Variants in CDC14B observed in about 807,000 individuals in gnomAD.
CDC14B encodes cell division cycle 14B.
Under a neutral mutation model 64.2 loss-of-function variants are expected in CDC14B, and 22 were observed. That is an observed-to-expected ratio of 0.34 (90% confidence interval 0.24 to 0.49). The LOEUF is 0.49. Among genes scored for constraint, CDC14B ranks in the 20% least tolerant of loss-of-function variants. The pLI, the probability that CDC14B is intolerant of heterozygous loss-of-function variation, is 0.99. For missense variants in CDC14B, 498 were observed against 629.9 expected, an observed-to-expected ratio of 0.79 and a Z score of 2.24; for synonymous variants, 191 against 215.8, an observed-to-expected ratio of 0.89 and a Z score of 1.01.
chr9:96,619,250 G>A lies in CDC14B; in HGVS notation c.129C>T (p.Asp43=), dbSNP rs1369638704. Reference sequence around the variant, plus strand: ...TGTCCAGGTACACGTCGTCCTGGGGGTCCCGGCGGCGCGGGTCTTGCTGCG... The same window carrying A: ...TGTCCAGGTACACGTCGTCCTGGGGATCCCGGCGGCGCGGGTCTTGCTGCG... ...SSTQQDPRRR[D]PQDDVYLDIT... The change falls in exon 1 of 14, where the codon GAC becomes GAT. Residue 43 remains aspartate (D), a synonymous_variant. Transcript: ENST00000375241. The A allele has an allele frequency of 4.4e-6, 6 of 1,358,214 alleles. No homozygotes were observed. In the African/African-American group the frequency reaches 4.5e-5, roughly 10 times the overall value. 84.1% of individuals were successfully genotyped at this position (1,358,214 alleles called of 1,614,324 possible).
chr9:96,506,917 C>T (rs1422462509), intron 13 of CDC14B, among the ~76,000 whole-genome samples: 1 of 152,240 alleles, frequency 6.6e-6, no homozygotes, highest in African/African-American at 2.4e-5. Context: ...GGCTCCCGGA[C>T]TCTACTCTTC....
chr9:96,579,782 C>T (rs1250837722), intron 1 of CDC14B, among the ~76,000 whole-genome samples: 2 of 152,166 alleles, frequency 1.3e-5, no homozygotes, highest in Admixed American at 6.6e-5. Flanking sequence ...CTGTTGTCTA[C>T]ACCACGCAGA....
At chr9:96,551,111 C>CTGTTTTTTTTTTTTTTTT (rs1841745578) in intron 5 of CDC14B, among the ~76,000 whole-genome samples, 1 of 93,296 alleles carries the variant, frequency 1.1e-5, no homozygotes, top group Non-Finnish European at 2.0e-5. Flanking sequence ...TTGGGGTTTG[C>CTGTTTTTTTTTTTTTTTT]TTTTTTTTTT....
At chr9:96,532,745 A>G (rs1564264647) in intron 9 of CDC14B, among the ~76,000 whole-genome samples, 1 of 152,156 alleles carries the variant, frequency 6.6e-6, no homozygotes, top group Non-Finnish European at 1.5e-5. Flanking sequence ...ATGCTTTTGA[A>G]TCCCTCCAGT....
At chr9:96,498,194 T>A (rs1833331595), downstream of CDC14B, among the ~76,000 whole-genome samples, 1 of 152,184 alleles carries the variant, frequency 6.6e-6, no homozygotes, top group Admixed American at 6.5e-5. Flanking sequence ...ATAGCTGCAC[T>A]TAGACACACA....
intron 9 of CDC14B, among the ~76,000 whole-genome samples, chr9:96,524,182 C>T (rs1226118368): frequency 6.6e-6 from 1 of 152,194 alleles, no homozygotes; most frequent in African/African-American, 2.4e-5. Context: ...TCAGGTGATC[C>T]GCCTGCCTTG....
rs571106626 is a variant in CDC14B, at chr9:96,592,899, A to T, written c.160+26320T>A. 8.5e-4 allele frequency among the ~76,000 whole-genome samples: 130 copies of T among 152,290 alleles called. 1 individual carries two copies. In the South Asian group the frequency reaches 0.014, roughly 16 times the overall value. Reference sequence around the variant, plus strand: ...TAATTCCTATAATTTTATTAAATTTAAAAAAAGCCATTTGGTATTCATCTA... The same window carrying T: ...TAATTCCTATAATTTTATTAAATTTTAAAAAAGCCATTTGGTATTCATCTA... On this transcript the variant is annotated intron_variant, in intron 1 of 13. Coordinates refer to ENST00000375241, the MANE Select transcript of CDC14B (RefSeq NM_033331.4).
At chr9:96,561,474 A>C (rs528195860) in intron 4 of CDC14B, among the ~76,000 whole-genome samples, 1 of 152,050 alleles carries the variant, frequency 6.6e-6, no homozygotes, top group African/African-American at 2.4e-5. Flanking sequence ...AGAGCTCCAA[A>C]AACAACCCTG....
chr9:96,614,917 T>C (rs1163541694), intron 1 of CDC14B, among the ~76,000 whole-genome samples: 2 of 152,172 alleles, frequency 1.3e-5, no homozygotes, highest in Non-Finnish European at 2.9e-5. Flanking sequence ...CTCAGCTCAC[T>C]GCAACTTCCA....
At chr9:96,494,628 C>G (rs867443893) in intron 13 of CDC14B, among the ~76,000 whole-genome samples, 15 of 152,212 alleles carry the variant, frequency 9.9e-5, no homozygotes, top group East Asian at 1.9e-4. Context: ...TCACACCCCC[C>G]ACAGCTACGC....
intron 1 of CDC14B, among the ~76,000 whole-genome samples, chr9:96,607,354 T>A (rs1399327228): frequency 7.7e-6 from 1 of 129,902 alleles, no homozygotes; most frequent in Admixed American, 7.5e-5. Context: ...TTTCATTAAA[T>A]TTTTTTTTTT....
intron 6 of CDC14B, among the ~76,000 whole-genome samples, chr9:96,540,138 T>C (rs1301658317): frequency 6.6e-6 from 1 of 152,196 alleles, no homozygotes; most frequent in Non-Finnish European, 1.5e-5. Flanking sequence ...CTATTTCTAA[T>C]AGAATGAAAC....
At chr9:96,535,347 G>A (rs1335841849) in intron 7 of CDC14B, among the ~76,000 whole-genome samples, 5 of 151,924 alleles carry the variant, frequency 3.3e-5, no homozygotes, top group Non-Finnish European at 7.4e-5. Flanking sequence ...TAAATGCACT[G>A]AACCGACCAG....
At chr9:96,519,730 TAAAAAAAAAAAA>T (rs59101582) in intron 12 of CDC14B, among the ~76,000 whole-genome samples, 1 of 111,368 alleles carries the variant, frequency 9.0e-6, no homozygotes, top group African/African-American at 3.0e-5. Context: ...GACTCTGTCT[TAAAAAAAAAAAA>T]AAAAAAAAAA....
At chr9:96,517,047 A>G (rs1162393531) in intron 12 of CDC14B, among the ~76,000 whole-genome samples, 1 of 151,556 alleles carries the variant, frequency 6.6e-6, no homozygotes, top group African/African-American at 2.4e-5. Context: ...TATTTTTAAG[A>G]AACAGGGGTC....
intron 5 of CDC14B, among the ~76,000 whole-genome samples, chr9:96,545,859 T>G (rs1156889795): frequency 6.6e-6 from 1 of 152,178 alleles, no homozygotes; most frequent in East Asian, 1.9e-4. Context: ...CTCACTCAAG[T>G]GTATTTCATT....
At chr9:96,497,417 GGATA>G (rs887851057), downstream of CDC14B, among the ~76,000 whole-genome samples, 2 of 152,224 alleles carry the variant, frequency 1.3e-5, no homozygotes, top group African/African-American at 4.8e-5. Context: ...CCCAATAAAC[GGATA>G]GACACAGGGA....
rs185871400 is a variant in CDC14B, at chr9:96,514,907, C to T, written c.1344-5118G>A. 433 of 985,404 alleles carry T rather than the reference C, an allele frequency of 4.4e-4. 5 individuals carry two copies. In the African/African-American group the frequency reaches 7.0e-3, roughly 16 times the overall value. The allele number at this position is 985,404 out of a possible 1,614,324, so 61.0% of individuals were successfully genotyped here. A position where few individuals can be genotyped will look rare whatever the true frequency, so the allele number is the denominator to read the frequency against. ...AAAGATGAAAGATCTCAAGAGAATA[C>T]AGATTTGCTGCTATTAGCCTATTAA... On this transcript the variant is annotated intron_variant, in intron 12 of 13. Transcript: ENST00000375241.
intron 13 of CDC14B, among the ~76,000 whole-genome samples, chr9:96,504,717 C>T (rs1833888394): frequency 6.6e-6 from 1 of 152,184 alleles, no homozygotes; most frequent in South Asian, 2.1e-4. Flanking sequence ...AAAATTAACA[C>T]CCAGAGGCAA....
Sources: allele counts gnomAD v4.1 joint callset (sites outside exome capture counted in the v4.1 genomes callset), GRCh38; gene constraint gnomAD v4.1.1; transcripts MANE v1.5; gene names NCBI Gene and HGNC (gene_info 2026-07-23, HGNC 2026-07-21).